Variants in DDX4 observed in about 807,000 individuals in gnomAD.
DDX4 encodes the protein DEAD-box helicase 4.
DDX4 carries 25 observed loss-of-function variants against 100.0 expected under a neutral mutation model. That is an observed-to-expected ratio of 0.25 (90% CI 0.18 to 0.35). The LOEUF is 0.35. Ranked by LOEUF, DDX4 falls within the 10% of genes least tolerant of loss-of-function variation. DDX4 has a pLI of 1.00. For synonymous variants in DDX4, 259 were observed against 275.7 expected (o/e 0.94, Z 0.60); for missense variants, 635 against 882.4 (o/e 0.72, Z 3.55).
chr5:55,799,095 G>C (rs1376488887), intron 18 of DDX4, among the ~76,000 whole-genome samples: 1 of 151,844 alleles, frequency 6.6e-6, no homozygotes, highest in Admixed American at 6.6e-5. Flanking sequence ...TTAGAGATAA[G>C]GTCTCACTTT....
chr5:55,788,624 A>C (rs1333136842), intron 15 of DDX4, among the ~76,000 whole-genome samples: 2 of 152,226 alleles, frequency 1.3e-5, no homozygotes, highest in African/African-American at 4.8e-5. Context: ...ATAACACAGA[A>C]AATTCTTATT....
intron 2 of DDX4, among the ~76,000 whole-genome samples, chr5:55,744,181 T>C (rs1318127957): frequency 5.3e-5 from 8 of 152,190 alleles, no homozygotes; most frequent in African/African-American, 1.7e-4. Context: ...TAAAAGTCAG[T>C]GTCTTTGAGA....
At chr5:55,806,406 A>T (rs1196963882) in intron 18 of DDX4, among the ~76,000 whole-genome samples, 1 of 151,942 alleles carries the variant, frequency 6.6e-6, no homozygotes, top group African/African-American at 2.4e-5. Context: ...AGTTCTTTTA[A>T]TTGTGATATT....
chr5:55,797,122 G>A (rs1299328043), intron 17 of DDX4, among the ~76,000 whole-genome samples: 1 of 152,078 alleles, frequency 6.6e-6, no homozygotes, highest in Non-Finnish European at 1.5e-5. Flanking sequence ...AGGATTGTAG[G>A]CATGAGCCAC....
At chr5:55,782,186 A>C in intron 10 of DDX4, 1 of 564,114 alleles carries the variant, frequency 1.8e-6, no homozygotes, top group Admixed American at 3.0e-5. Flanking sequence ...TGCCTCTCTG[A>C]TCCAGCAATT....
intron 3 of DDX4, chr5:55,750,246 C>A (rs750724519): frequency 1.9e-5 from 3 of 157,482 alleles, no homozygotes; most frequent in African/African-American, 4.8e-5. Flanking sequence ...TCAGTAAAGT[C>A]GTTTTGATAT....
In DDX4 at chr5:55,812,983, T is replaced by TA. The variant is rs554707461; in HGVS notation, c.1616-689dup. On this transcript the variant is annotated intron_variant, in intron 18 of 21. Transcript: ENST00000505374. The stretch of plus-strand genomic sequence containing the variant: ...GAGATTATGAACAGTAATACATTTT[T>TA]ATATGCTTTAAAGCTATAAATTATC... 4.7e-4 allele frequency among the ~76,000 whole-genome samples: 72 copies of TA among 152,162 alleles called. 2 individuals carry two copies. The highest frequency in any genetic ancestry group is 1.7e-3 in the African/African-American group (70 of 41,498).
At chr5:55,785,177 T>C (rs1742167531) in intron 10 of DDX4, 120 bp from the exon 11 acceptor site, 1 of 711,528 alleles carries the variant, frequency 1.4e-6, no homozygotes, top group Non-Finnish European at 2.5e-6. Context: ...GTTTCAAGTA[T>C]TTGTAAGAAG....
chr5:55,774,148 A>C (rs1461515113), intron 7 of DDX4, among the ~76,000 whole-genome samples: 1 of 144,496 alleles, frequency 6.9e-6, no homozygotes. Flanking sequence ...AATTTATCTA[A>C]TTTTTTTTTT....
intron 2 of DDX4, among the ~76,000 whole-genome samples, chr5:55,741,743 C>T (rs547283317): frequency 1.6e-3 from 237 of 151,570 alleles, no homozygotes; most frequent in African/African-American, 5.4e-3. Flanking sequence ...GAGCCAAGTC[C>T]GGGCAGCTGC....
intron 7 of DDX4, among the ~76,000 whole-genome samples, chr5:55,774,873 A>C (rs1208677932): frequency 6.6e-6 from 1 of 152,056 alleles, no homozygotes; most frequent in African/African-American, 2.4e-5. Context: ...GGATATTTTG[A>C]GCTTTTTTGT....
At chr5:55,769,101 G>A (rs1233403953) in intron 7 of DDX4, among the ~76,000 whole-genome samples, 1 of 152,090 alleles carries the variant, frequency 6.6e-6, no homozygotes, top group African/African-American at 2.4e-5. Flanking sequence ...TTCTTTCGTT[G>A]TGCAGAAGCT....
At chr5:55,738,574 G>A (rs1758819265) in intron 1 of DDX4, among the ~76,000 whole-genome samples, 1 of 152,026 alleles carries the variant, frequency 6.6e-6, no homozygotes, top group Non-Finnish European at 1.5e-5. Context: ...ATCATGCGAA[G>A]GGAGAAATCT....
rs188627044 is a variant in DDX4 at position 55,790,518 on chromosome 5, A to G, written c.1173-58A>G. 275 of 1,135,790 alleles carry G rather than the reference A, an allele frequency of 2.4e-4. 1 individual carries two copies. The African/African-American group carries it at 3.5e-3, about 14-fold the overall frequency. 70.4% of individuals were successfully genotyped at this position (1,135,790 alleles called of 1,614,324 possible). On this transcript the variant is annotated intron_variant, in intron 15 of 21. Transcript: ENST00000505374. ...TGGATTTTGTTTTATATCTTGTTAGAAACAGATGCCTAATTTTTAAGTAAC... is the reference window on the plus strand; with the variant it reads ...TGGATTTTGTTTTATATCTTGTTAGGAACAGATGCCTAATTTTTAAGTAAC...
chr5:55,793,393 T>C (rs1314922367), intron 17 of DDX4, among the ~76,000 whole-genome samples: 1 of 152,136 alleles, frequency 6.6e-6, no homozygotes, highest in Non-Finnish European at 1.5e-5. Flanking sequence ...AACATAAGAT[T>C]TTATGATTTT....
At chr5:55,773,202 G>A (rs1307684294) in intron 7 of DDX4, 4 of 152,306 alleles carry the variant, frequency 2.6e-5, no homozygotes, top group Non-Finnish European at 5.9e-5. Context: ...GATAAGGCCA[G>A]GCAGCTCTCT....
chr5:55,743,321 T>A (rs1401162676), intron 2 of DDX4, among the ~76,000 whole-genome samples: 2 of 152,178 alleles, frequency 1.3e-5, no homozygotes, highest in Non-Finnish European at 2.9e-5. Flanking sequence ...CCTCTGCCTC[T>A]CTATTATAAG....
At position 55,751,974 on chromosome 5, in the gene DDX4, G is replaced by T. The variant is rs1028387677; in HGVS notation, c.127+5753G>T. 5.2e-4 allele frequency among the ~76,000 whole-genome samples: 79 copies of T among 152,094 alleles called. 1 individual carries two copies. The highest frequency in any genetic ancestry group is 1.8e-3 in the African/African-American group (74 of 41,502). ...TCATGGTGGCCATATTTATTTGAGT[G>T]TCAAATCAAGACATAGTGTATGCAG... On this transcript the variant is annotated intron_variant, in intron 3 of 21. Transcript: ENST00000505374.
chr5:55,809,013 T>C (rs1743939963), intron 18 of DDX4, among the ~76,000 whole-genome samples: 1 of 152,220 alleles, frequency 6.6e-6, no homozygotes. Flanking sequence ...GCCTAGGCAA[T>C]GGCAGGTGCC....
Sources: gnomAD v4.1 joint callset for allele counts (sites outside exome capture counted in the v4.1 genomes callset) on GRCh38, gnomAD v4.1.1 for gene constraint, MANE v1.5 for transcripts, NCBI Gene and HGNC (gene_info 2026-07-23, HGNC 2026-07-21) for gene names.